TMED3: variants seen among roughly 807,000 people sequenced by gnomAD.
The protein encoded by TMED3 is transmembrane emp24 domain-containing protein 3.
TMED3 carries 9 observed loss-of-function variants against 15.0 expected under a neutral mutation model. That is an observed-to-expected ratio of 0.60 (90% confidence interval 0.36 to 1.04). TMED3 has a LOEUF of 1.04. Among genes scored for constraint, TMED3 ranks in the 50% least tolerant of loss-of-function variants. TMED3 has a pLI of 0.01. For synonymous variants in TMED3, 117 were observed against 121.4 expected, an observed-to-expected ratio of 0.96 and a Z score of 0.24; for missense variants, 267 against 278.9, an observed-to-expected ratio of 0.96 and a Z score of 0.30.
At chr15:79,354,841 C>T (rs1009754416) in intron 2 of TMED3, among the ~76,000 whole-genome samples, 1 of 152,106 alleles carries the variant, frequency 6.6e-6, no homozygotes, top group African/African-American at 2.4e-5. Flanking sequence ...AAGCTCTGCC[C>T]CCCCATTCCG....
chr15:79,320,580 C>T (rs1052996230), intron 2 of TMED3, among the ~76,000 whole-genome samples: 3 of 152,082 alleles, frequency 2.0e-5, no homozygotes, highest in Non-Finnish European at 4.4e-5. Flanking sequence ...AGTTTGGGAA[C>T]TGAAGTGAGT....
chr15:79,334,040 C>G (rs1326939924), intron 2 of TMED3, among the ~76,000 whole-genome samples: 1 of 152,098 alleles, frequency 6.6e-6, no homozygotes, highest in African/African-American at 2.4e-5. Flanking sequence ...ACTTAATTTG[C>G]TATTAGCTAA....
chr15:79,367,080 C>G (rs753448167), intron 2 of TMED3, among the ~76,000 whole-genome samples: 7 of 152,170 alleles, frequency 4.6e-5, no homozygotes, highest in Admixed American at 4.6e-4. Flanking sequence ...CTCCTGACCC[C>G]AGCTGCTGGG....
intron 2 of TMED3, among the ~76,000 whole-genome samples, chr15:79,366,730 C>T (rs1379464029): frequency 1.3e-5 from 2 of 152,218 alleles, no homozygotes; most frequent in Non-Finnish European, 2.9e-5. Context: ...GTGGCAGCTA[C>T]TTGAATGTTA....
intron 2 of TMED3, among the ~76,000 whole-genome samples, chr15:79,377,898 G>A (rs1422920527): frequency 1.3e-5 from 2 of 151,848 alleles, no homozygotes; most frequent in African/African-American, 4.8e-5. Flanking sequence ...CGCCCGCCTT[G>A]GCCTCCCAAA....
chr15:79,314,224 T>G (rs2058730959), intron 2 of TMED3, among the ~76,000 whole-genome samples: 2 of 152,196 alleles, frequency 1.3e-5, no homozygotes, highest in East Asian at 1.9e-4. Context: ...TGCAGTACTT[T>G]CCTCTGACAT....
chr15:79,369,092 TTAAA>T (rs1567034374), intron 2 of TMED3, among the ~76,000 whole-genome samples: 1 of 143,768 alleles, frequency 7.0e-6, no homozygotes, highest in Non-Finnish European at 1.5e-5. Flanking sequence ...AGACTCTGTC[TTAAA>T]AAAAAAAAAA....
intron 2 of TMED3, among the ~76,000 whole-genome samples, chr15:79,353,788 G>A (rs1294904238): frequency 6.6e-6 from 1 of 152,030 alleles, no homozygotes; most frequent in Non-Finnish European, 1.5e-5. Context: ...AAAGAAAGAA[G>A]TAACACATCT....
chr15:79,327,769 G>A (rs2058792595), downstream of TMED3, among the ~76,000 whole-genome samples: 1 of 152,194 alleles, frequency 6.6e-6, no homozygotes, highest in Admixed American at 6.5e-5. Flanking sequence ...GTTGGAACTG[G>A]CAATTCGACA....
chr15:79,361,781 A>T (rs776039319), intron 2 of TMED3, among the ~76,000 whole-genome samples: 1 of 152,238 alleles, frequency 6.6e-6, no homozygotes, highest in Non-Finnish European at 1.5e-5. Flanking sequence ...AATAATTACT[A>T]AATTAATGAC....
chr15:79,370,826 G>A (rs1315987125), intron 2 of TMED3, among the ~76,000 whole-genome samples: 2 of 152,214 alleles, frequency 1.3e-5, no homozygotes, highest in Non-Finnish European at 2.9e-5. Flanking sequence ...GAATGAAACA[G>A]TCATTCGCTG....
At chr15:79,382,958 C>A (rs1423378322) in intron 2 of TMED3, 1 of 1,535,384 alleles carries the variant, frequency 6.5e-7, no homozygotes, top group Non-Finnish European at 8.7e-7. Flanking sequence ...CGATTTATTT[C>A]TTTTCCAAGG....
chr15:79,353,249 TATATAA>T, intron 2 of TMED3, among the ~76,000 whole-genome samples: 1 of 55,754 alleles, frequency 1.8e-5, no homozygotes, highest in African/African-American at 7.4e-5. Context: ...ATATATACTA[TATATAA>T]TATATATTAT....
chr15:79,358,628 C>T (rs1595899329), intron 2 of TMED3, among the ~76,000 whole-genome samples: 1 of 152,196 alleles, frequency 6.6e-6, no homozygotes, highest in Non-Finnish European at 1.5e-5. Flanking sequence ...CACGGGTCCA[C>T]CCTAGGACCT....
intron 2 of TMED3, among the ~76,000 whole-genome samples, 194 bp from the exon 3 acceptor site, chr15:79,321,784 A>G (rs2058767877): frequency 6.6e-6 from 1 of 152,250 alleles, no homozygotes. Flanking sequence ...ACTCTGGGCA[A>G]GTTACTTAAC....
intron 2 of TMED3, among the ~76,000 whole-genome samples, chr15:79,350,735 C>G (rs2058888433): frequency 6.6e-6 from 1 of 152,150 alleles, no homozygotes; most frequent in South Asian, 2.1e-4. Flanking sequence ...TCAATCCAGT[C>G]AAGTTGACAC....
chr15:79,335,225 G>A (rs16970863), intron 2 of TMED3, among the ~76,000 whole-genome samples: 38,168 of 151,972 alleles, frequency 0.25, 5,076 homozygotes, highest in East Asian at 0.5. Flanking sequence ...GGTACCTTGC[G>A]TTTCAGGAAA....
chr15:79,363,827 G>C (rs762339709), intron 2 of TMED3, among the ~76,000 whole-genome samples: 1 of 152,160 alleles, frequency 6.6e-6, no homozygotes, highest in Non-Finnish European at 1.5e-5. Flanking sequence ...CACTGACACC[G>C]GGATCGCAGC....
intron 2 of TMED3, among the ~76,000 whole-genome samples, chr15:79,353,831 T>C (rs747308506): frequency 7.2e-5 from 11 of 152,156 alleles, no homozygotes; most frequent in Admixed American, 2.0e-4. Context: ...CACTCCTTCA[T>C]TTTTGCCTGT....
Sources: gnomAD v4.1 joint callset for allele counts (sites outside exome capture counted in the v4.1 genomes callset) on GRCh38, gnomAD v4.1.1 for gene constraint, MANE v1.5 for transcripts, NCBI Gene and HGNC (gene_info 2026-07-23, HGNC 2026-07-21) for gene names.